PAXIP1: variants seen among roughly 807,000 people sequenced by gnomAD.
The protein encoded by PAXIP1 is PAX interacting protein 1.
In PAXIP1, 19 loss-of-function variants were observed where a neutral mutation model predicts 140.6. The observed-to-expected ratio is 0.14, with a 90% CI of 0.09 to 0.20. The LOEUF (loss-of-function observed/expected upper bound fraction) is 0.20. Ranked by LOEUF, PAXIP1 falls within the 10% of genes least tolerant of loss-of-function variation. The pLI, the probability that PAXIP1 is intolerant of heterozygous loss-of-function variation, is 1.00. For synonymous variants in PAXIP1, 442 were observed against 444.6 expected (o/e 0.99, Z 0.07); for missense variants, 920 against 1,208.6 (o/e 0.76, Z 3.54).
At chr7:154,974,027 C>T (rs897227505) in intron 6 of PAXIP1, 1 of 152,624 alleles carries the variant, frequency 6.6e-6, no homozygotes, top group African/African-American at 2.4e-5. Context: ...ACTACACATT[C>T]TCACATCCGC....
intron 16 of PAXIP1, chr7:154,950,035 A>T (rs905353341): frequency 1.3e-5 from 2 of 152,182 alleles, no homozygotes; most frequent in African/African-American, 4.8e-5. Flanking sequence ...CAATGTAAAG[A>T]CTCAACCTGA....
intron 6 of PAXIP1, among the ~76,000 whole-genome samples, chr7:154,970,936 T>A (rs970716094): frequency 2.0e-5 from 3 of 152,218 alleles, no homozygotes; most frequent in Non-Finnish European, 4.4e-5. Flanking sequence ...AAGAAATAAA[T>A]GCCCGTCTGC....
chr7:154,948,036 T>C (rs1345097919), intron 16 of PAXIP1, 33 bp from the exon 17 acceptor site: 16 of 1,457,174 alleles, frequency 1.1e-5, no homozygotes, highest in Non-Finnish European at 1.5e-5. Context: ...CTCTGAAAAG[T>C]GTGGACACGT....
intron 6 of PAXIP1, among the ~76,000 whole-genome samples, chr7:154,974,972 CTG>C (rs1809500745): frequency 7.1e-6 from 1 of 141,742 alleles, no homozygotes; most frequent in Non-Finnish European, 1.5e-5. Context: ...TGGTGAAACT[CTG>C]TCTCTACTAA....
chr7:154,957,155 A>C, intron 14 of PAXIP1, 69 bp downstream of exon 14: 1 of 786,328 alleles, frequency 1.3e-6, no homozygotes, highest in Non-Finnish European at 2.1e-6. Context: ...ACTTTCCTCA[A>C]TTGCCACCGA....
rs774919527 is a variant in PAXIP1 at position 154,991,079 on chromosome 7, A to G, written c.261-10T>C. 7.0e-7 allele frequency: 1 copy of G among 1,430,480 alleles called. No homozygotes were observed. 88.6% of individuals were successfully genotyped at this position (1,430,480 alleles called of 1,614,324 possible). A position where few individuals can be genotyped will look rare whatever the true frequency, so the allele number is the denominator to read the frequency against. ...AGAAAAACCATTTACTCTGTTTTAT[A>G]GTTATTAAGATTACAATGAAATAAG... On this transcript the variant is annotated splice_polypyrimidine_tract_variant and intron_variant, in intron 3 of 20. Transcript: ENST00000404141.
intron 16 of PAXIP1, chr7:154,948,205 T>A: frequency 1.8e-6 from 1 of 550,334 alleles, no homozygotes. Context: ...AGACAGGTAT[T>A]TTTTCTCCTA....
At chr7:155,002,003 C>T (rs1261268199) in intron 1 of PAXIP1, 1 of 152,222 alleles carries the variant, frequency 6.6e-6, no homozygotes, top group Non-Finnish European at 1.5e-5. Context: ...ATGTCACACC[C>T]AAGGCAACAC....
chr7:154,979,358 T>C (rs1809737917), intron 5 of PAXIP1, among the ~76,000 whole-genome samples: 1 of 152,250 alleles, frequency 6.6e-6, no homozygotes, highest in Non-Finnish European at 1.5e-5. Flanking sequence ...GCTTTTGCTA[T>C]GTGCTCATTA....
chr7:154,986,470 C>A lies in PAXIP1; in HGVS notation c.325-3138G>T, dbSNP rs190395454. Among the ~76,000 whole-genome samples the A allele has an allele frequency of 6.6e-6, 1 of 152,236 alleles. No individual in the cohort carries two copies. The highest frequency in any genetic ancestry group is 2.4e-5 in the African/African-American group (1 of 41,548). ...ACTGTATGTTTACTGAGAGAGAAAT[C>A]GCATCTTAATTAATTTGTACCCCTC... is the stretch of plus-strand genomic sequence containing the variant. On this transcript the variant is annotated intron_variant, in intron 4 of 20. Coordinates refer to ENST00000404141, the MANE Select transcript of PAXIP1 (RefSeq NM_007349.4). This position sits in a 1 kb window ranked among gnomAD's most constrained non-coding sequence, Gnocchi z 4.8.
rs1808865361 is a variant in PAXIP1 at position 154,963,567 on chromosome 7, G to A, written c.1989+104C>T. ...AGAAGGAATTTTCCTATCTTTAGAG[G>A]TAGAAAAAAGTTCTTTCCAAAAATA... On this transcript the variant is annotated intron_variant, in intron 9 of 20. Transcript: ENST00000404141. This position sits in a 1 kb window ranked among gnomAD's most constrained non-coding sequence, Gnocchi z 4.1. The A allele has an allele frequency of 1.4e-6, 1 of 725,154 alleles. No individual in the cohort carries two copies. The highest frequency in any genetic ancestry group is 2.4e-6 in the Non-Finnish European group (1 of 417,696). 44.9% of individuals were successfully genotyped at this position (725,154 alleles called of 1,614,324 possible).
At chr7:154,964,330 T>G (rs1416645003) in intron 8 of PAXIP1, 1 of 152,776 alleles carries the variant, frequency 6.5e-6, no homozygotes, top group Non-Finnish European at 1.5e-5. Flanking sequence ...CTGTGACAGC[T>G]GCACGACCCT....
chr7:154,948,981 C>T (rs1330955210), intron 16 of PAXIP1: 1 of 152,106 alleles, frequency 6.6e-6, no homozygotes, highest in Non-Finnish European at 1.5e-5. Context: ...TTTCAGTTTT[C>T]ATAGCAACAT....
At chr7:154,960,595 C>G (rs553920074) in intron 12 of PAXIP1, among the ~76,000 whole-genome samples, 47 of 152,176 alleles carry the variant, frequency 3.1e-4, no homozygotes, top group African/African-American at 1.1e-3. Flanking sequence ...GGAAATCACC[C>G]GAGCCCAGGA....
intron 17 of PAXIP1, 171 bp downstream of exon 17, chr7:154,947,731 GA>G: frequency 3.2e-6 from 2 of 616,672 alleles, no homozygotes; most frequent in Non-Finnish European, 5.9e-6. Context: ...TGGTTCACAG[GA>G]GGAAGACCTC....
rs1302099240 is a variant in PAXIP1 at position 154,956,828 on chromosome 7, C to T, written c.2549+396G>A. 6.3e-6 allele frequency: 1 copy of T among 159,178 alleles called. No individual in the cohort carries two copies. The highest frequency in any genetic ancestry group is 2.4e-5 in the African/African-American group (1 of 41,376). 9.9% of individuals were successfully genotyped at this position (159,178 alleles called of 1,614,324 possible). A position where few individuals can be genotyped will look rare whatever the true frequency, so the allele number is the denominator to read the frequency against. On this transcript the variant is annotated intron_variant, in intron 14 of 20. Coordinates refer to ENST00000404141, the MANE Select transcript of PAXIP1 (RefSeq NM_007349.4). The surrounding 1 kb of genome is among the most constrained non-coding windows in gnomAD (Gnocchi z 4.2). Reference sequence around the variant, plus strand: ...CGGCACCTACATGCTCTCTCGGCAGCCTACATGCTCTCTCGGCAGCCTACA... The same window carrying T: ...CGGCACCTACATGCTCTCTCGGCAGTCTACATGCTCTCTCGGCAGCCTACA...
At chr7:154,958,923 A>C (rs1159489841) in intron 13 of PAXIP1, among the ~76,000 whole-genome samples, 1 of 152,214 alleles carries the variant, frequency 6.6e-6, no homozygotes, top group Non-Finnish European at 1.5e-5. Flanking sequence ...CATGTCTTTA[A>C]AATTAAAATC....
chr7:154,959,849 A>ATTT lies in PAXIP1; in HGVS notation c.2478+40_2478+41insAAA, dbSNP rs762859141. The ATTT allele has an allele frequency of 7.6e-6, 10 of 1,314,934 alleles. No homozygotes were observed. In the Admixed American group the frequency reaches 1.7e-4, roughly 23 times the overall value. 81.5% of individuals were successfully genotyped at this position (1,314,934 alleles called of 1,614,324 possible). On this transcript the variant is annotated intron_variant, in intron 13 of 20. Transcript: ENST00000404141. ...AAATACATCCCTACTGCATCTTAATAATACAGTAATAGCCAAGGTAAGGTT... is the reference window on the plus strand; with the variant it reads ...AAATACATCCCTACTGCATCTTAATATTTATACAGTAATAGCCAAGGTAAGGTT...
intron 4 of PAXIP1, chr7:154,983,888 A>G (rs1809953716): frequency 6.5e-6 from 1 of 153,336 alleles, no homozygotes; most frequent in Non-Finnish European, 1.5e-5. Flanking sequence ...GCATAAAAGG[A>G]ATAATTCTTA....
Sources: gnomAD v4.1 joint callset for allele counts (sites outside exome capture counted in the v4.1 genomes callset) on GRCh38, gnomAD v4.1.1 for gene constraint, Gnocchi (gnomAD v3.1) non-coding constraint, MANE v1.5 for transcripts, NCBI Gene and HGNC (gene_info 2026-07-23, HGNC 2026-07-21) for gene names.